Variants in TUT4 observed in about 807,000 individuals in gnomAD.
TUT4 encodes terminal uridylyltransferase 4.
Under a neutral mutation model 192.2 loss-of-function variants are expected in TUT4, and 36 were observed. The ratio of observed to expected loss-of-function variants is 0.19; its 90% CI spans 0.14 to 0.25. The LOEUF is 0.25. Among genes scored for constraint, TUT4 ranks in the 10% least tolerant of loss-of-function variants. TUT4 has a pLI of 1.00. For missense variants in TUT4, 1,493 were observed against 1,957.2 expected (o/e 0.76, Z 4.47); for synonymous variants, 618 against 666.0 (o/e 0.93, Z 1.11).
chr1:52,479,850 C>T (rs370225164), intron 11 of TUT4, among the ~76,000 whole-genome samples: 7 of 151,920 alleles, frequency 4.6e-5, no homozygotes, highest in African/African-American at 1.4e-4. Context: ...AAAAATTAGC[C>T]GGGCATGGTG....
intron 16 of TUT4, among the ~76,000 whole-genome samples, chr1:52,464,372 A>T (rs1199370993): frequency 6.6e-6 from 1 of 152,020 alleles, no homozygotes; most frequent in Non-Finnish European, 1.5e-5. Context: ...CTCCTGCCTC[A>T]GCCTCCTGAG....
intron 25 of TUT4, 130 bp from the exon 26 acceptor site, chr1:52,437,108 A>G (rs1570231557): frequency 3.0e-6 from 4 of 1,319,662 alleles, no homozygotes; most frequent in East Asian, 2.5e-5. Flanking sequence ...AGGCAAGGGA[A>G]CAAACATTTA....
intron 1 of TUT4, among the ~76,000 whole-genome samples, chr1:52,532,194 T>G (rs1683655471): frequency 2.0e-5 from 3 of 152,078 alleles, no homozygotes; most frequent in Non-Finnish European, 4.4e-5. Context: ...ACAAATACAT[T>G]TACATGGTTG....
At position 52,475,201 on chromosome 1, in the gene TUT4, A is replaced by C. The variant is rs772759848; in HGVS notation, c.2358T>G (p.Asn786Lys). 3 of 1,614,170 alleles carry C rather than the reference A, an allele frequency of 1.9e-6. No homozygotes were observed. Among genetic ancestry groups the C allele is most frequent in the Non-Finnish European group, 2.5e-6 (3 of 1,180,026 alleles). ...CIIDNNNLLV[N>K]ELDFADHGQD... ...GTCCGTGGTCAGCAAAATCTAGTTC[A>C]TTTACCAACAAATTGTTGTTGTCAA... Residue 786 changes from asparagine (N) to lysine (K), a missense_variant, in exon 13 of 30, where the codon AAT becomes AAG. Coordinates refer to ENST00000257177, the MANE Select transcript of TUT4 (RefSeq NM_001009881.3).
At chr1:52,440,974 T>C (rs1383482580) in intron 24 of TUT4, among the ~76,000 whole-genome samples, 1 of 152,202 alleles carries the variant, frequency 6.6e-6, no homozygotes, top group Non-Finnish European at 1.5e-5. Context: ...TTCCCTATCA[T>C]TAAAACTGAG....
rs576861946 is a variant in TUT4 at position 52,427,636 on chromosome 1, G to C, written c.4712-2129C>G. On this transcript the variant is annotated intron_variant, in intron 28 of 29. Coordinates refer to ENST00000257177, the MANE Select transcript of TUT4 (RefSeq NM_001009881.3). ...GTATGCCATATATCCTCTGATCTTA[G>C]AAATCTAATTAAGTTACCATATTCT... Among the ~76,000 whole-genome samples, 45 of 152,304 alleles carry C rather than the reference G, an allele frequency of 3.0e-4. 1 individual carries two copies. The highest frequency in any genetic ancestry group is 5.4e-4 in the Non-Finnish European group (37 of 68,034).
At chr1:52,476,570 A>G (rs753958368) in intron 12 of TUT4, among the ~76,000 whole-genome samples, 21 of 152,176 alleles carry the variant, frequency 1.4e-4, no homozygotes, top group Non-Finnish European at 2.4e-4. Flanking sequence ...GGCATCTGTT[A>G]CTTTTTGCTG....
chr1:52,537,514 T>C (rs558569286), intron 1 of TUT4, among the ~76,000 whole-genome samples: 3 of 152,106 alleles, frequency 2.0e-5, no homozygotes, highest in Non-Finnish European at 4.4e-5. Flanking sequence ...AAAAGAGAAA[T>C]TGTTCTATAA....
At chr1:52,514,454 A>G (rs775289159) in intron 3 of TUT4, among the ~76,000 whole-genome samples, 3 of 152,160 alleles carry the variant, frequency 2.0e-5, no homozygotes, top group Admixed American at 6.5e-5. Context: ...AAACAAAACA[A>G]AACAAAAAGT....
chr1:52,468,863 T>A (rs1664913383), intron 14 of TUT4, among the ~76,000 whole-genome samples: 1 of 152,234 alleles, frequency 6.6e-6, no homozygotes, highest in Non-Finnish European at 1.5e-5. Flanking sequence ...AATAAGTCCA[T>A]ATATTTCTTA....
intron 14 of TUT4, 28 bp downstream of exon 14, chr1:52,471,924 C>A: frequency 1.3e-6 from 2 of 1,582,304 alleles, no homozygotes; most frequent in South Asian, 1.2e-5. Flanking sequence ...GAATCTAGTC[C>A]CAATAGTTGT....
chr1:52,511,108 C>G (rs1409124994), intron 3 of TUT4, among the ~76,000 whole-genome samples: 1 of 152,168 alleles, frequency 6.6e-6, no homozygotes, highest in Non-Finnish European at 1.5e-5. Context: ...TAGCAACAAT[C>G]CTGCTACAGA....
At chr1:52,424,609 G>T (rs1215489300) in intron 29 of TUT4, 1 of 152,234 alleles carries the variant, frequency 6.6e-6, no homozygotes, top group Non-Finnish European at 1.5e-5. Flanking sequence ...TACCTCTGAG[G>T]CAAGTAGGTT....
intron 1 of TUT4, among the ~76,000 whole-genome samples, chr1:52,527,567 A>G (rs1437633077): frequency 2.6e-5 from 4 of 152,106 alleles, no homozygotes; most frequent in Non-Finnish European, 5.9e-5. Flanking sequence ...CAACAACAAC[A>G]AAAAGGAACT....
chr1:52,526,274 C>T lies in TUT4; in HGVS notation c.7G>A (p.Glu3Lys). ME[E>K]SKTLKSENHE... is the part of the protein sequence containing the mutation. ...TTTTCACTTTTTAAGGTTTTAGACT[C>T]TTCCATTATTTGAAAATCTGTTTCT... Residue 3 changes from glutamate (E) to lysine (K), a missense_variant, in exon 2 of 30, where the codon GAG (glutamate) becomes AAG (lysine). Around this residue, in one of 7 missense-constraint regions of TUT4, gnomAD observed 260 missense variants for 247.8 expected, o/e 1.05. Coordinates refer to ENST00000257177, the MANE Select transcript of TUT4 (RefSeq NM_001009881.3). 1 of 1,512,046 alleles carries T rather than the reference C, an allele frequency of 6.6e-7. No individual in the cohort carries two copies. Among genetic ancestry groups the T allele is most frequent in the South Asian group, 1.4e-5 (1 of 73,796 alleles). The allele number at this position is 1,512,046 out of a possible 1,614,324, so 93.7% of individuals were successfully genotyped here. A position where few individuals can be genotyped will look rare whatever the true frequency, so the allele number is the denominator to read the frequency against.
intron 28 of TUT4, among the ~76,000 whole-genome samples, chr1:52,428,767 G>A (rs1262852915): frequency 6.6e-6 from 1 of 152,048 alleles, no homozygotes; most frequent in Non-Finnish European, 1.5e-5. Context: ...CTCCAGCCTG[G>A]CAACAGAGCG....
intron 1 of TUT4, among the ~76,000 whole-genome samples, chr1:52,550,025 T>C (rs1422501052): frequency 6.6e-6 from 1 of 152,148 alleles, no homozygotes; most frequent in Non-Finnish European, 1.5e-5. Context: ...TCCTTGGGCC[T>C]GTAAGAAATA....
chr1:52,425,056 G>T, intron 29 of TUT4: 1 of 236,230 alleles, frequency 4.2e-6, no homozygotes, highest in Non-Finnish European at 8.1e-6. Flanking sequence ...TCAAAATCTT[G>T]TGATGTAATA....
At chr1:52,456,150 TC>T (rs1360280768) in intron 20 of TUT4, among the ~76,000 whole-genome samples, 1 of 152,074 alleles carries the variant, frequency 6.6e-6, no homozygotes, top group Non-Finnish European at 1.5e-5. Context: ...ATGCCTGTAA[TC>T]CCAGCACTTT....
Sources: allele counts gnomAD v4.1 joint callset (sites outside exome capture counted in the v4.1 genomes callset), GRCh38; gene constraint gnomAD v4.1.1; regional missense constraint gnomAD v4.1.1; transcripts MANE v1.5; gene names NCBI Gene and HGNC (gene_info 2026-07-23, HGNC 2026-07-21).